The following SECISBP2L variants were observed in gnomAD, a reference collection of about 807,000 sequenced individuals.
SECISBP2L encodes selenocysteine insertion sequence-binding protein 2-like.
In SECISBP2L, 43 loss-of-function variants were observed where a neutral mutation model predicts 114.7. The ratio of observed to expected loss-of-function variants is 0.38; its 90% confidence interval spans 0.29 to 0.48. The LOEUF (loss-of-function observed/expected upper bound fraction) is 0.48, where lower values mean the gene tolerates loss of function less well. Ranked by LOEUF, SECISBP2L falls within the 20% of genes least tolerant of loss-of-function variation. SECISBP2L has a pLI of 0.98. For synonymous variants in SECISBP2L, 451 were observed against 439.7 expected, an observed-to-expected ratio of 1.03 and a Z score of -0.32; for missense variants, 1,136 against 1,301.1, an observed-to-expected ratio of 0.87 and a Z score of 1.95.
At chr15:49,045,755 G>T (rs1186741127) in intron 1 of SECISBP2L, among the ~76,000 whole-genome samples, 2 of 152,078 alleles carry the variant, frequency 1.3e-5, no homozygotes, top group Non-Finnish European at 2.9e-5. Flanking sequence ...GGAAATCGTA[G>T]TATCGTTTCT....
At chr15:48,998,769 T>A (rs1168545087) in intron 16 of SECISBP2L, among the ~76,000 whole-genome samples, 1 of 152,150 alleles carries the variant, frequency 6.6e-6, no homozygotes, top group Non-Finnish European at 1.5e-5. Context: ...ACTCCTGGCC[T>A]CAAGCACTCC....
At chr15:49,043,591 CA>C (rs1232307918) in intron 1 of SECISBP2L, among the ~76,000 whole-genome samples, 1 of 143,554 alleles carries the variant, frequency 7.0e-6, no homozygotes, top group Non-Finnish European at 1.5e-5. Flanking sequence ...ATTTATCCTT[CA>C]CATCTCAAAA....
rs2141071973 is a variant in SECISBP2L at position 49,016,353 on chromosome 15, C to CT, written c.1561+206dup. ...AGGACAGATAGGATGTGTTAAAGGA[C>CT]TAGGTGTGGAAAGGAGCATGGACAA... On this transcript the variant is annotated intron_variant, in intron 11 of 17. Coordinates refer to ENST00000559471, the MANE Select transcript of SECISBP2L (RefSeq NM_001193489.2). 5 of 434,896 alleles carry CT rather than the reference C, an allele frequency of 1.1e-5. No individual in the cohort carries two copies. In the South Asian group the frequency reaches 2.2e-4, roughly 19 times the overall value. 26.9% of individuals were successfully genotyped at this position (434,896 alleles called of 1,614,324 possible). A position where few individuals can be genotyped will look rare whatever the true frequency, so the allele number is the denominator to read the frequency against.
intron 14 of SECISBP2L, among the ~76,000 whole-genome samples, chr15:49,004,062 CTGGTTCTAGGCTTTTTT>C (rs1902265263): frequency 1.3e-5 from 2 of 152,098 alleles, no homozygotes; most frequent in Admixed American, 1.3e-4. Flanking sequence ...GTGAATATGT[CTGGTTCTAGGCTTTTTT>C]TGGTTGGTAG....
At chr15:49,011,915 C>A (rs762201080) in intron 12 of SECISBP2L, 52 bp from the exon 13 acceptor site, 68 of 1,574,204 alleles carry the variant, frequency 4.3e-5, no homozygotes, top group Non-Finnish European at 5.6e-5. Context: ...CAACTGTGTA[C>A]AAATGATGAC....
intron 1 of SECISBP2L, among the ~76,000 whole-genome samples, chr15:49,043,342 C>T (rs1903179974): frequency 6.6e-6 from 1 of 152,034 alleles, no homozygotes; most frequent in Non-Finnish European, 1.5e-5. Context: ...CATACGTATT[C>T]ATTAGTTTTT....
rs531029876 is a variant in SECISBP2L at position 49,016,754 on chromosome 15, C to T, written c.1420-53G>A. 4.6e-6 allele frequency: 7 copies of T among 1,520,348 alleles called. No individual in the cohort carries two copies. The African/African-American group carries it at 9.8e-5, about 21-fold the overall frequency. The allele number at this position is 1,520,348 out of a possible 1,614,324, so 94.2% of individuals were successfully genotyped here. On this transcript the variant is annotated intron_variant, in intron 10 of 17. Coordinates refer to ENST00000559471, the MANE Select transcript of SECISBP2L (RefSeq NM_001193489.2). ...TTTTTGTTATAGTACGAAACTGTGG[C>T]ATTTTAAGATGACTACATTTATCAC...
intron 14 of SECISBP2L, among the ~76,000 whole-genome samples, chr15:49,004,165 T>C (rs1027407718): frequency 2.6e-5 from 4 of 152,216 alleles, no homozygotes; most frequent in Non-Finnish European, 5.9e-5. Context: ...GGTTTAGTCT[T>C]GGGAGGGTGT....
intron 1 of SECISBP2L, among the ~76,000 whole-genome samples, chr15:49,045,372 T>C (rs1388658086): frequency 6.6e-6 from 1 of 152,200 alleles, no homozygotes; most frequent in African/African-American, 2.4e-5. Context: ...CAGAAATTAC[T>C]AGCCTCTCTT....
intron 3 of SECISBP2L, among the ~76,000 whole-genome samples, chr15:49,034,919 T>C (rs1902974875): frequency 6.6e-6 from 1 of 152,096 alleles, no homozygotes; most frequent in Non-Finnish European, 1.5e-5. Flanking sequence ...TGCCTCGGCC[T>C]CCCAAAGTGC....
Position 49,041,343 on chromosome 15 carries a change from G to A in SECISBP2L, c.25-3574C>T, listed in dbSNP as rs142755859. On this transcript the variant is annotated intron_variant, in intron 1 of 17. Coordinates refer to ENST00000559471, the MANE Select transcript of SECISBP2L (RefSeq NM_001193489.2). Reference sequence around the variant, plus strand: ...TTATTTTGTGTACATTAAGGCAAATGTCTATAAACAAAATGCCTTTGATGT... The same window carrying A: ...TTATTTTGTGTACATTAAGGCAAATATCTATAAACAAAATGCCTTTGATGT... Among the ~76,000 whole-genome samples the A allele has an allele frequency of 5.4e-3, 828 of 152,292 alleles. 4 individuals are homozygous for A. Among genetic ancestry groups the A allele is most frequent in the African/African-American group, 0.019 (783 of 41,554 alleles).
At chr15:49,037,295 AAAAAAAAAG>A in intron 2 of SECISBP2L, 1 of 174,138 alleles carries the variant, frequency 5.7e-6, no homozygotes, top group Non-Finnish European at 1.2e-5. Flanking sequence ...AAAAAAAAAA[AAAAAAAAAG>A]GTTTTTGTTC....
intron 6 of SECISBP2L, 28 bp from the exon 7 acceptor site, chr15:49,027,508 A>G: frequency 1.4e-6 from 2 of 1,405,656 alleles, no homozygotes; most frequent in Non-Finnish European, 2.0e-6. Flanking sequence ...TTAAATTATA[A>G]TTTACTTATA....
intron 14 of SECISBP2L, among the ~76,000 whole-genome samples, chr15:49,002,381 T>C (rs1053051314): frequency 3.9e-5 from 6 of 152,310 alleles, no homozygotes; most frequent in African/African-American, 1.4e-4. Flanking sequence ...TTGCAAAAAC[T>C]TTCTCCCATC....
At chr15:49,028,343 A>G (rs1902800247) in intron 5 of SECISBP2L, 110 bp downstream of exon 5, 2 of 1,083,956 alleles carry the variant, frequency 1.8e-6, no homozygotes, top group Non-Finnish European at 2.7e-6. Flanking sequence ...TAACTATCCT[A>G]TTACTACAGG....
intron 4 of SECISBP2L, among the ~76,000 whole-genome samples, chr15:49,031,037 C>CTTT (rs373799142): frequency 0.012 from 1,007 of 83,372 alleles, no homozygotes; most frequent in Non-Finnish European, 0.018. Context: ...TTATCATTTT[C>CTTT]TTTTTTTTTT....
chr15:49,001,459 C>CTTTTTTTTTTTTTTTTTTTT (rs35210250), intron 14 of SECISBP2L, among the ~76,000 whole-genome samples: 1 of 144,512 alleles, frequency 6.9e-6, no homozygotes, highest in South Asian at 2.2e-4. Flanking sequence ...ACATCGTATT[C>CTTTTTTTTTTTTTTTTTTTT]TTTTTTTTTT....
intron 4 of SECISBP2L, among the ~76,000 whole-genome samples, chr15:49,032,522 G>A (rs1902911998): frequency 6.6e-6 from 1 of 152,108 alleles, no homozygotes; most frequent in African/African-American, 2.4e-5. Flanking sequence ...ACATACATAG[G>A]TTTGGTTCAG....
chr15:49,003,892 G>C (rs937354321), intron 14 of SECISBP2L, among the ~76,000 whole-genome samples: 44 of 152,288 alleles, frequency 2.9e-4, no homozygotes, highest in Middle Eastern at 6.8e-3. Context: ...ATACTGGCCT[G>C]AAATTTTCTT....
Sources: allele counts gnomAD v4.1 joint callset (sites outside exome capture counted in the v4.1 genomes callset), GRCh38; gene constraint gnomAD v4.1.1; transcripts MANE v1.5; gene names NCBI Gene and HGNC (gene_info 2026-07-23, HGNC 2026-07-21).